The following CCSER1 variants were observed in gnomAD, a reference collection of about 807,000 sequenced individuals.
CCSER1 encodes serine-rich coiled-coil domain-containing protein 1.
Under a neutral mutation model 82.0 loss-of-function variants are expected in CCSER1, and 41 were observed. The observed-to-expected ratio is 0.50, with a 90% CI of 0.39 to 0.65. CCSER1 has a LOEUF of 0.65. Ranked by LOEUF, CCSER1 falls within the 30% of genes least tolerant of loss-of-function variation. CCSER1 has a pLI of 0.00. For missense variants in CCSER1, 1,119 were observed against 1,064.2 expected, an observed-to-expected ratio of 1.05 and a Z score of -0.72; for synonymous variants, 414 against 383.9, an observed-to-expected ratio of 1.08 and a Z score of -0.92.
chr4:90,618,147 G>C (rs1176587811), intron 5 of CCSER1, among the ~76,000 whole-genome samples: 1 of 151,970 alleles, frequency 6.6e-6, no homozygotes, highest in Admixed American at 6.6e-5. Context: ...AATTGATAAA[G>C]TTCTGTCACC....
intron 9 of CCSER1, among the ~76,000 whole-genome samples, chr4:91,047,566 A>G (rs1391609959): frequency 6.6e-6 from 1 of 152,066 alleles, no homozygotes; most frequent in African/African-American, 2.4e-5. Flanking sequence ...GATTACTTGC[A>G]ATTCTTGGCT....
rs140354876 is a variant in CCSER1 at position 90,340,889 on chromosome 4, T to A, written c.1509+27842T>A. Among the ~76,000 whole-genome samples, 650 of 152,228 alleles carry A rather than the reference T, an allele frequency of 4.3e-3. 5 individuals carry two copies. Among genetic ancestry groups the A allele is most frequent in the African/African-American group, 0.015 (623 of 41,564 alleles). ...GCAGTCAGTTCATCTTGGGTTTAGA[T>A]ACTAAACTGGAACATTTAAAAGTTA... is the stretch of plus-strand genomic sequence containing the variant. On this transcript the variant is annotated intron_variant, in intron 3 of 10. Transcript: ENST00000509176.
chr4:91,487,888 A>C (rs1758305787), intron 10 of CCSER1, among the ~76,000 whole-genome samples: 1 of 152,052 alleles, frequency 6.6e-6, no homozygotes, highest in Non-Finnish European at 1.5e-5. Flanking sequence ...AGATATGCAC[A>C]GATATGACAT....
intron 1 of CCSER1, among the ~76,000 whole-genome samples, chr4:90,128,522 C>A (rs1329153214): frequency 6.7e-6 from 1 of 149,368 alleles, no homozygotes; most frequent in Admixed American, 6.7e-5. Flanking sequence ...TGTGTGCGCG[C>A]GCGCGCGCGC....
chr4:90,423,382 T>C (rs955540220), intron 4 of CCSER1, among the ~76,000 whole-genome samples: 1 of 152,002 alleles, frequency 6.6e-6, no homozygotes, highest in Non-Finnish European at 1.5e-5. Context: ...CGTGCCACCA[T>C]GCCCGAATAA....
intron 10 of CCSER1, among the ~76,000 whole-genome samples, chr4:91,523,310 A>T (rs560554342): frequency 1.3e-5 from 2 of 152,294 alleles, no homozygotes; most frequent in African/African-American, 4.8e-5. Flanking sequence ...ATTGATGTTC[A>T]TCAGGGATAT....
Position 91,110,162 on chromosome 4 carries a change from T to A in CCSER1, c.2217+24168T>A, listed in dbSNP as rs970632718. ...GGTTATGTAAAAACTTAGTGAAATG[T>A]AGATTTACTTTATATTCTAGAAAAA... On this transcript the variant is annotated intron_variant, in intron 10 of 10. Transcript: ENST00000509176. Among the ~76,000 whole-genome samples, 6 of 152,136 alleles carry A rather than the reference T, an allele frequency of 3.9e-5. No individual in the cohort carries two copies. In the South Asian group the frequency reaches 1.2e-3, roughly 32 times the overall value.
At chr4:91,348,351 T>C (rs1748215017) in intron 10 of CCSER1, among the ~76,000 whole-genome samples, 1 of 152,154 alleles carries the variant, frequency 6.6e-6, no homozygotes, top group Non-Finnish European at 1.5e-5. Context: ...GGTGTATAAT[T>C]CTTTATATAC....
chr4:90,386,598 A>G (rs1344676800), intron 3 of CCSER1, among the ~76,000 whole-genome samples: 2 of 152,222 alleles, frequency 1.3e-5, no homozygotes, highest in African/African-American at 2.4e-5. Context: ...GACCTACACC[A>G]ATGATTTATG....
chr4:90,753,773 C>G (rs950371745), intron 7 of CCSER1, among the ~76,000 whole-genome samples: 1 of 152,110 alleles, frequency 6.6e-6, no homozygotes, highest in Admixed American at 6.6e-5. Flanking sequence ...AGTGAAACTG[C>G]TTTCTAAGGC....
intron 4 of CCSER1, among the ~76,000 whole-genome samples, chr4:90,411,712 A>G (rs1703852872): frequency 6.6e-6 from 1 of 152,226 alleles, no homozygotes. Context: ...AAACTGGCAC[A>G]AGACAGGGAT....
At chr4:91,598,075 T>C (rs1764665697) in intron 10 of CCSER1, among the ~76,000 whole-genome samples, 1 of 152,186 alleles carries the variant, frequency 6.6e-6, no homozygotes, top group Admixed American at 6.5e-5. Flanking sequence ...TACTTGTGTG[T>C]TTTTAGTTCC....
intron 9 of CCSER1, among the ~76,000 whole-genome samples, chr4:90,964,720 GACTC>G (rs1279534732): frequency 1.1e-5 from 1 of 94,240 alleles, no homozygotes; most frequent in Non-Finnish European, 1.9e-5. Flanking sequence ...GCCAGAGCAA[GACTC>G]TGTCTCCAAA....
At chr4:90,857,169 A>C (rs150479997) in intron 8 of CCSER1, among the ~76,000 whole-genome samples, 161 of 152,192 alleles carry the variant, frequency 1.1e-3, no homozygotes, top group African/African-American at 3.8e-3. Context: ...GGTATCTGGA[A>C]GTAGCTTAGC....
intron 9 of CCSER1, among the ~76,000 whole-genome samples, chr4:91,055,560 A>G (rs1004232329): frequency 6.6e-6 from 1 of 152,058 alleles, no homozygotes; most frequent in African/African-American, 2.4e-5. Context: ...GTCTCTGTTT[A>G]TGCTTGCCAA....
intron 9 of CCSER1, among the ~76,000 whole-genome samples, chr4:91,058,498 C>A (rs1743651084): frequency 6.6e-6 from 1 of 152,098 alleles, no homozygotes; most frequent in Admixed American, 6.6e-5. Context: ...TATTTCTAAA[C>A]AAGTTCTTAA....
At chr4:91,153,086 A>G (rs1038026845) in intron 10 of CCSER1, among the ~76,000 whole-genome samples, 2 of 151,942 alleles carry the variant, frequency 1.3e-5, no homozygotes, top group African/African-American at 4.8e-5. Context: ...GTTCTCCTGG[A>G]TAATATCCCG....
chr4:90,450,662 A>T (rs1375403327), intron 4 of CCSER1, among the ~76,000 whole-genome samples: 2 of 152,198 alleles, frequency 1.3e-5, no homozygotes, highest in African/African-American at 4.8e-5. Flanking sequence ...GAATCCAAGA[A>T]TCAATTTCAG....
At chr4:90,866,695 A>G (rs1178964174) in intron 8 of CCSER1, among the ~76,000 whole-genome samples, 1 of 152,010 alleles carries the variant, frequency 6.6e-6, no homozygotes, top group Admixed American at 6.6e-5. Flanking sequence ...CTTCCACTTC[A>G]CTATTTTTTC....
Sources: allele counts gnomAD v4.1 joint callset (sites outside exome capture counted in the v4.1 genomes callset), GRCh38; gene constraint gnomAD v4.1.1; transcripts MANE v1.5; gene names NCBI Gene and HGNC (gene_info 2026-07-23, HGNC 2026-07-21).